Variants in FOXRED2 observed in about 807,000 individuals in gnomAD.
FOXRED2 encodes FAD-dependent oxidoreductase domain-containing protein 2.
In FOXRED2, 32 loss-of-function variants were observed where a neutral mutation model predicts 52.5. The ratio of observed to expected loss-of-function variants is 0.61; its 90% CI spans 0.46 to 0.82. The LOEUF is 0.82. Ranked by LOEUF, FOXRED2 falls within the 40% of genes least tolerant of loss-of-function variation. FOXRED2 has a pLI of 0.00. For synonymous variants in FOXRED2, 405 were observed against 398.1 expected (o/e 1.02, Z -0.21); for missense variants, 848 against 937.5 (o/e 0.90, Z 1.25).
intron 5 of FOXRED2, among the ~76,000 whole-genome samples, 165 bp downstream of exon 5, chr22:36,501,076 G>A (rs754500269): frequency 1.3e-5 from 2 of 152,074 alleles, no homozygotes; most frequent in Non-Finnish European, 2.9e-5. Flanking sequence ...TAAACATGTC[G>A]TCAGACCACA....
intron 8 of FOXRED2, 105 bp downstream of exon 8, chr22:36,493,521 CTGGGGTT>C: frequency 1.2e-6 from 1 of 818,226 alleles, no homozygotes; most frequent in South Asian, 1.9e-5. Context: ...GAACAGTAGT[CTGGGGTT>C]TGGATTTCCA....
At chr22:36,498,369 C>A in intron 5 of FOXRED2, 2 of 573,300 alleles carry the variant, frequency 3.5e-6, no homozygotes, top group Non-Finnish European at 3.1e-6. Context: ...AAGGGCCAGA[C>A]AATCCATATT....
chr22:36,506,740 G>A (rs2145861519), intron 1 of FOXRED2: 1 of 310,884 alleles, frequency 3.2e-6, no homozygotes, highest in Non-Finnish European at 5.9e-6. Context: ...TAATTTGAGG[G>A]TGCCCAACAC....
In FOXRED2 at chr22:36,504,720, A is replaced by C. The variant is rs1427737072; in HGVS notation, c.574T>G (p.Phe192Val). The C allele has an allele frequency of 6.2e-7, 1 of 1,614,092 alleles. No individual in the cohort carries two copies. Among genetic ancestry groups the C allele is most frequent in the South Asian group, 1.1e-5 (1 of 91,072 alleles). ...CCCTCTGCATATTCGGAGCCAGGGA[A>C]GTCAACCTGGTTGGGGACTGATAAA... ...TGLSVPNQVD[F>V]PGSEYAEGYE... The change falls in exon 3 of 9, where the codon TTC (phenylalanine) becomes GTC (valine). Residue 192 changes from phenylalanine to valine, a missense_variant. Transcript: ENST00000397224.
At chr22:36,491,002 A>G (rs1442520196) in intron 8 of FOXRED2, among the ~76,000 whole-genome samples, 2 of 152,182 alleles carry the variant, frequency 1.3e-5, no homozygotes, top group Non-Finnish European at 2.9e-5. Flanking sequence ...TCTCTAGTAA[A>G]AATACAAAAA....
chr22:36,494,165 G>A (rs1933832618), intron 7 of FOXRED2, among the ~76,000 whole-genome samples: 1 of 152,186 alleles, frequency 6.6e-6, no homozygotes, highest in African/African-American at 2.4e-5. Flanking sequence ...TGCCCAGGCT[G>A]TCATGCAGTG....
rs758181862 is a variant in FOXRED2, at chr22:36,504,190, G to A, written c.957C>T (p.Pro319=). The A allele has an allele frequency of 2.5e-6, 4 of 1,614,252 alleles. No individual in the cohort carries two copies. Among genetic ancestry groups the A allele is most frequent in the Admixed American group, 1.7e-5 (1 of 60,030 alleles). ...TGGCAAAGTTGTCATTGTCGTCCTG[G>A]GGGAGGGTGATGGAGTCGGCACTCT... ...TNQSADSITL[P]QDDNDNFAMR... The change falls in exon 4 of 9, where the codon CCC becomes CCT. Residue 319 remains proline, a synonymous_variant. Transcript: ENST00000397224.
chr22:36,504,459 C>G (rs1238451033), intron 3 of FOXRED2, 56 bp downstream of exon 3: 1 of 1,609,092 alleles, frequency 6.2e-7, no homozygotes, highest in African/African-American at 1.3e-5. Context: ...GTTGGGGAGG[C>G]TCTTTCCACA....
chr22:36,500,784 G>A (rs1274937002), intron 5 of FOXRED2, among the ~76,000 whole-genome samples: 6 of 151,698 alleles, frequency 4.0e-5, no homozygotes, highest in Middle Eastern at 3.4e-3. Context: ...GGGTTTCGCC[G>A]TGTTGCCCAG....
At chr22:36,501,586 G>A (rs61085127) in intron 4 of FOXRED2, among the ~76,000 whole-genome samples, 179 bp from the exon 5 acceptor site, 8,369 of 152,002 alleles carry the variant, frequency 0.055, 758 homozygotes, top group African/African-American at 0.19. Flanking sequence ...TGAGCCTCCC[G>A]AGTAGCTGGG....
intron 2 of FOXRED2, 93 bp from the exon 3 acceptor site, chr22:36,504,859 T>C: frequency 7.2e-7 from 1 of 1,383,302 alleles, no homozygotes. Context: ...CCCACCTGCC[T>C]GGCTCCAACC....
At chr22:36,498,234 C>G in intron 5 of FOXRED2, 78 bp from the exon 6 acceptor site, 2 of 1,519,520 alleles carry the variant, frequency 1.3e-6, no homozygotes, top group Non-Finnish European at 1.8e-6. Context: ...GCCCAGGCCT[C>G]ATTGACCCCT....
At chr22:36,500,921 G>A (rs191605206) in intron 5 of FOXRED2, among the ~76,000 whole-genome samples, 48 of 148,564 alleles carry the variant, frequency 3.2e-4, no homozygotes, top group African/African-American at 1.0e-3. Flanking sequence ...ACCAAGTCTC[G>A]CTCTGTCACC....
chr22:36,492,309 C>T (rs1436362907), intron 8 of FOXRED2, among the ~76,000 whole-genome samples: 1 of 152,204 alleles, frequency 6.6e-6, no homozygotes, highest in Non-Finnish European at 1.5e-5. Context: ...ACATCAGCTA[C>T]AGTAACAGAG....
intron 5 of FOXRED2, among the ~76,000 whole-genome samples, chr22:36,500,356 A>G (rs1934011353): frequency 6.6e-6 from 1 of 152,204 alleles, no homozygotes; most frequent in Non-Finnish European, 1.5e-5. Context: ...AGCCCACTGA[A>G]GTCACCCAAC....
chr22:36,491,552 G>A (rs976183272), intron 8 of FOXRED2, among the ~76,000 whole-genome samples: 8 of 152,050 alleles, frequency 5.3e-5, no homozygotes, highest in Admixed American at 4.6e-4. Context: ...ACAGGTGCCC[G>A]CCACCACGCT....
At position 36,489,935 on chromosome 22, in the gene FOXRED2, G is replaced by C. The variant is rs190244720; in HGVS notation, c.*73C>G. 2 of 1,427,650 alleles carry C rather than the reference G, an allele frequency of 1.4e-6. No homozygotes were observed. The highest frequency in any genetic ancestry group is 5.0e-5 in the Admixed American group (2 of 39,700). 88.4% of individuals were successfully genotyped at this position (1,427,650 alleles called of 1,614,324 possible). A position where few individuals can be genotyped will look rare whatever the true frequency, so the allele number is the denominator to read the frequency against. ...CGCATTGGCGGGAGTGTGAGGTTGC[G>C]GGGAAAGAGGGACTGACCATGGGCC... On this transcript the variant is annotated 3_prime_UTR_variant, in exon 9 of 9. Coordinates refer to ENST00000397224, the MANE Select transcript of FOXRED2 (RefSeq NM_001102371.2).
intron 5 of FOXRED2, among the ~76,000 whole-genome samples, chr22:36,499,070 G>A (rs1410012100): frequency 6.6e-6 from 1 of 152,104 alleles, no homozygotes; most frequent in African/African-American, 2.4e-5. Flanking sequence ...AAGTAGTAGG[G>A]ATTACAAGCC....
At chr22:36,493,861 G>C in intron 7 of FOXRED2, 58 bp from the exon 8 acceptor site, 2 of 1,500,072 alleles carry the variant, frequency 1.3e-6, no homozygotes, top group Non-Finnish European at 9.2e-7. Context: ...TCCCCTCCTC[G>C]GGCCGACACA....
Sources: allele counts gnomAD v4.1 joint callset (sites outside exome capture counted in the v4.1 genomes callset), GRCh38; gene constraint gnomAD v4.1.1; transcripts MANE v1.5; gene names NCBI Gene and HGNC (gene_info 2026-07-23, HGNC 2026-07-21).